The following RGMB variants were observed in gnomAD, a reference collection of about 807,000 sequenced individuals.
RGMB encodes the protein repulsive guidance molecule B.
A neutral mutation model predicts 26.9 loss-of-function variants in RGMB; 16 were observed. The ratio of observed to expected loss-of-function variants is 0.60; its 90% confidence interval spans 0.40 to 0.90. The LOEUF (loss-of-function observed/expected upper bound fraction) is 0.90. Among genes scored for constraint, RGMB ranks in the 40% least tolerant of loss-of-function variants. The probability of loss-of-function intolerance (pLI) is 0.00; values close to 1 mark genes in which losing one functional copy is unlikely to be tolerated. For missense variants in RGMB, 512 were observed against 573.3 expected, an observed-to-expected ratio of 0.89 and a Z score of 1.09; for synonymous variants, 225 against 229.3, an observed-to-expected ratio of 0.98 and a Z score of 0.17.
At chr5:98,784,421 T>G (rs895192225) in intron 2 of RGMB, among the ~76,000 whole-genome samples, 3 of 152,238 alleles carry the variant, frequency 2.0e-5, no homozygotes, top group African/African-American at 7.2e-5. Flanking sequence ...GGTTAATGTC[T>G]TCTTCAAACT....
In RGMB at chr5:98,796,349, A is replaced by T. The variant is rs200404031; in HGVS notation, c.*2596A>T. On this transcript the variant is annotated 3_prime_UTR_variant, in exon 3 of 3. Coordinates refer to ENST00000513185, the MANE Select transcript of RGMB (RefSeq NM_001366508.1). ...ATGCTTGGAAGCTCCCCCCCCCCCA[A>T]CAGTGTGTCGAGTCTTTGCAAAGAA... The T allele has an allele frequency of 3.4e-5, 2 of 59,470 alleles. No individual in the cohort carries two copies. Among genetic ancestry groups the T allele is most frequent in the Admixed American group, 2.7e-4 (2 of 7,540 alleles). 3.7% of individuals were successfully genotyped at this position (59,470 alleles called of 1,614,324 possible). A position where few individuals can be genotyped will look rare whatever the true frequency, so the allele number is the denominator to read the frequency against.
chr5:98,780,641 A>G (rs1187937312), intron 2 of RGMB: 1 of 152,588 alleles, frequency 6.6e-6, no homozygotes, highest in East Asian at 1.9e-4. Flanking sequence ...TAATAATTGG[A>G]TATTGCAGAG....
chr5:98,796,289 T>TA lies in RGMB; in HGVS notation c.*2540dup, dbSNP rs1384936570. ...CACAGATGCTCCACATGGCTGTCTT[T>TA]AAAAGACTCAAAACTTTTTTTTGTC... On this transcript the variant is annotated 3_prime_UTR_variant, in exon 3 of 3. Coordinates refer to ENST00000513185, the MANE Select transcript of RGMB (RefSeq NM_001366508.1). The TA allele has an allele frequency of 6.8e-6, 1 of 147,816 alleles. No homozygotes were observed. The highest frequency in any genetic ancestry group is 1.5e-5 in the Non-Finnish European group (1 of 67,288). 9.2% of individuals were successfully genotyped at this position (147,816 alleles called of 1,614,324 possible). A position where few individuals can be genotyped will look rare whatever the true frequency, so the allele number is the denominator to read the frequency against.
At chr5:98,792,704 A>G (rs1323347996) in intron 2 of RGMB, among the ~76,000 whole-genome samples, 1 of 149,780 alleles carries the variant, frequency 6.7e-6, no homozygotes, top group Non-Finnish European at 1.5e-5. Flanking sequence ...CCAGGAGTTG[A>G]ACGTTGCAGT....
At chr5:98,774,794 C>G (rs1402985434) in intron 1 of RGMB, among the ~76,000 whole-genome samples, 1 of 152,142 alleles carries the variant, frequency 6.6e-6, no homozygotes, top group Admixed American at 6.5e-5. Context: ...CGATCAGCCT[C>G]CCGGGAAAAG....
Position 98,794,768 on chromosome 5 carries a change from T to G in RGMB, c.*1015T>G, listed in dbSNP as rs1398539329. On this transcript the variant is annotated 3_prime_UTR_variant, in exon 3 of 3. Coordinates refer to ENST00000513185, the MANE Select transcript of RGMB (RefSeq NM_001366508.1). ...CCTTACGAATCCAAAGAACTGGGGT[T>G]TGTTAGGTTCTTTCTCTAATGTAGA... The G allele has an allele frequency of 6.6e-6, 1 of 152,152 alleles. No individual in the cohort carries two copies. The highest frequency in any genetic ancestry group is 1.5e-5 in the Non-Finnish European group (1 of 68,026). 9.4% of individuals were successfully genotyped at this position (152,152 alleles called of 1,614,324 possible).
In RGMB at chr5:98,793,665, C is replaced by G. The variant is rs768001179; in HGVS notation, c.1226C>G (p.Pro409Arg). The change falls in exon 3 of 3, where the codon CCC becomes CGC. Residue 409 changes from proline (P) to arginine (R), a missense_variant. Physicochemically the swap from Pro to Arg is moderately radical, Grantham distance 103. Coordinates refer to ENST00000513185, the MANE Select transcript of RGMB (RefSeq NM_001366508.1). Reference protein sequence around the residue: ...HPRKERWHIFPSSGNGTPRGG... With the variant: ...HPRKERWHIFRSSGNGTPRGG... ...AGGAAGGAACGCTGGCACATTTTCC[C>G]CAGCAGTGGCAATGGGACTCCCCGT... 3 of 1,613,862 alleles carry G rather than the reference C, an allele frequency of 1.9e-6. No homozygotes were observed. Among genetic ancestry groups the G allele is most frequent in the Non-Finnish European group, 2.5e-6 (3 of 1,179,832 alleles).
chr5:98,776,983 G>A (rs1012627985), intron 1 of RGMB, among the ~76,000 whole-genome samples: 1 of 152,086 alleles, frequency 6.6e-6, no homozygotes, highest in Non-Finnish European at 1.5e-5. Context: ...CTACTAGGGA[G>A]GCTGAGGTAG....
chr5:98,775,000 C>T (rs547716151), intron 1 of RGMB, among the ~76,000 whole-genome samples: 1 of 152,264 alleles, frequency 6.6e-6, no homozygotes, highest in East Asian at 1.9e-4. Flanking sequence ...CCAGGACGCT[C>T]TTCACACTAT....
chr5:98,779,318 A>C (rs1167654098), intron 1 of RGMB, among the ~76,000 whole-genome samples: 1 of 152,234 alleles, frequency 6.6e-6, no homozygotes, highest in Non-Finnish European at 1.5e-5. Context: ...ACCTGTGATC[A>C]CTGGACTAGA....
Position 98,793,685 on chromosome 5 carries a change from C to G in RGMB, c.1246C>G (p.Pro416Ala), listed in dbSNP as rs747688122. 2 of 1,612,588 alleles carry G rather than the reference C, an allele frequency of 1.2e-6. No homozygotes were observed. The highest frequency in any genetic ancestry group is 1.3e-5 in the African/African-American group (1 of 74,918). The stretch of plus-strand genomic sequence containing the variant: ...TTTCCCCAGCAGTGGCAATGGGACT[C>G]CCCGTGGAGGCAGTGATTTGTCTGT... ...HIFPSSGNGT[P>A]RGGSDLSVSL... Residue 416 changes from proline to alanine, a missense_variant, in exon 3 of 3, where the codon CCC becomes GCC. By Grantham distance (27) the Pro-to-Ala change is conservative. Coordinates refer to ENST00000513185, the MANE Select transcript of RGMB (RefSeq NM_001366508.1).
At chr5:98,790,008 A>T (rs1314757580) in intron 2 of RGMB, among the ~76,000 whole-genome samples, 1 of 152,254 alleles carries the variant, frequency 6.6e-6, no homozygotes, top group South Asian at 2.1e-4. Context: ...AGTAAGAATT[A>T]AGAATGAATA....
Position 98,793,966 on chromosome 5 carries a change from T to G in RGMB, c.*213T>G. 1 of 472,656 alleles carries G rather than the reference T, an allele frequency of 2.1e-6. No homozygotes were observed. The highest frequency in any genetic ancestry group is 3.7e-6 in the Non-Finnish European group (1 of 271,642). 29.3% of individuals were successfully genotyped at this position (472,656 alleles called of 1,614,324 possible). ...TTCTTTGATTGTATCAATTTTGTTT[T>G]GCAGTTCTGTGAAATGTTTTATAAT... On this transcript the variant is annotated 3_prime_UTR_variant, in exon 3 of 3. Coordinates refer to ENST00000513185, the MANE Select transcript of RGMB (RefSeq NM_001366508.1).
chr5:98,789,966 T>G (rs759422512), intron 2 of RGMB, among the ~76,000 whole-genome samples: 1 of 152,256 alleles, frequency 6.6e-6, no homozygotes, highest in African/African-American at 2.4e-5. Flanking sequence ...TGGTGTTTTT[T>G]AAAATTCCAA....
intron 2 of RGMB, among the ~76,000 whole-genome samples, chr5:98,790,570 A>G (rs922008012): frequency 5.9e-5 from 9 of 152,120 alleles, no homozygotes; most frequent in African/African-American, 2.2e-4. Flanking sequence ...CTGAGTTGGA[A>G]TTGGTGTGCT....
chr5:98,774,135 G>A lies in RGMB; in HGVS notation c.65G>A (p.Ser22Asn), dbSNP rs1205153463. Residue 22 changes from serine to asparagine, a missense_variant, in exon 1 of 3, where the codon AGC becomes AAC. Transcript: ENST00000513185. ...AAAAEVEQRR[S>N]PGLCPPPLEL... ...GCCGCCGAGGTTGAGCAGCGCCGCA[G>A]CCCCGGGCTCTGCCCCCCGCCGCTG... 6 of 1,476,262 alleles carry A rather than the reference G, an allele frequency of 4.1e-6. No individual in the cohort carries two copies. Among genetic ancestry groups the A allele is most frequent in the Non-Finnish European group, 5.4e-6 (6 of 1,109,702 alleles). 91.4% of individuals were successfully genotyped at this position (1,476,262 alleles called of 1,614,324 possible).
At chr5:98,783,774 C>CA (rs1175150104) in intron 2 of RGMB, among the ~76,000 whole-genome samples, 1 of 152,194 alleles carries the variant, frequency 6.6e-6, no homozygotes, top group Non-Finnish European at 1.5e-5. Context: ...CCAGGGAATT[C>CA]AAAAGTATTC....
intron 2 of RGMB, among the ~76,000 whole-genome samples, chr5:98,785,580 T>C (rs1746746288): frequency 6.6e-6 from 1 of 152,144 alleles, no homozygotes; most frequent in Admixed American, 6.5e-5. Context: ...GCATACAACC[T>C]AGCAGGGCCT....
upstream of RGMB, chr5:98,769,767 C>T: frequency 6.6e-6 from 1 of 152,620 alleles, no homozygotes; most frequent in Non-Finnish European, 1.5e-5. Context: ...GGCGGGGGAC[C>T]GGAGTGAGAA....
Sources: allele counts gnomAD v4.1 joint callset (sites outside exome capture counted in the v4.1 genomes callset), GRCh38; gene constraint gnomAD v4.1.1; transcripts MANE v1.5; gene names NCBI Gene and HGNC (gene_info 2026-07-23, HGNC 2026-07-21).